Variants in LRRC4C observed in about 807,000 individuals in gnomAD.
LRRC4C encodes the protein leucine rich repeat containing 4C.
LRRC4C carries 5 observed loss-of-function variants against 33.6 expected under a neutral mutation model. The ratio of observed to expected loss-of-function variants is 0.15; its 90% confidence interval spans 0.08 to 0.31. The LOEUF (loss-of-function observed/expected upper bound fraction) is 0.31. Ranked by LOEUF, LRRC4C falls within the 10% of genes least tolerant of loss-of-function variation. The probability of loss-of-function intolerance (pLI) is 1.00; values close to 1 mark genes in which losing one functional copy is unlikely to be tolerated. For synonymous variants in LRRC4C, 329 were observed against 302.0 expected (o/e 1.09, Z -0.93); for missense variants, 560 against 796.7 (o/e 0.70, Z 3.58).
At chr11:41,359,699 A>G (rs1233940693) in intron 1 of LRRC4C, among the ~76,000 whole-genome samples, 1 of 152,196 alleles carries the variant, frequency 6.6e-6, no homozygotes, top group East Asian at 1.9e-4. Flanking sequence ...CTATTATTAT[A>G]TCTATTTCAG....
intron 1 of LRRC4C, among the ~76,000 whole-genome samples, chr11:41,104,951 C>A (rs1264741804): frequency 1.3e-5 from 2 of 151,736 alleles, no homozygotes; most frequent in African/African-American, 4.8e-5. Context: ...TTGGCAGTGA[C>A]TGCAAATGGG....
chr11:40,324,456 T>C (rs988491203), intron 3 of LRRC4C, among the ~76,000 whole-genome samples: 11 of 152,158 alleles, frequency 7.2e-5, no homozygotes, highest in African/African-American at 2.4e-4. Flanking sequence ...TCTCATGGCG[T>C]TCCTTTTGAC....
At chr11:40,210,058 G>A (rs1863468563) in intron 5 of LRRC4C, among the ~76,000 whole-genome samples, 1 of 152,040 alleles carries the variant, frequency 6.6e-6, no homozygotes, top group Non-Finnish European at 1.5e-5. Flanking sequence ...ATGTCTTCAA[G>A]AATGAAGACA....
At chr11:40,329,321 A>G (rs1284215779) in intron 3 of LRRC4C, among the ~76,000 whole-genome samples, 2 of 152,220 alleles carry the variant, frequency 1.3e-5, no homozygotes, top group African/African-American at 4.8e-5. Flanking sequence ...GCAAAAAGAC[A>G]TGTAGCTGAA....
intron 2 of LRRC4C, among the ~76,000 whole-genome samples, chr11:40,671,975 C>T (rs1455215163): frequency 6.6e-6 from 1 of 152,140 alleles, no homozygotes; most frequent in African/African-American, 2.4e-5. Context: ...AAGTTTCTTT[C>T]TTGTCTCAGT....
chr11:40,993,987 C>T (rs901340835), intron 1 of LRRC4C, among the ~76,000 whole-genome samples: 2 of 151,304 alleles, frequency 1.3e-5, no homozygotes, highest in Non-Finnish European at 1.5e-5. Context: ...CTGTGGATAA[C>T]GGGAACTGGA....
intron 2 of LRRC4C, among the ~76,000 whole-genome samples, chr11:40,866,305 C>A (rs1954367606): frequency 6.6e-6 from 1 of 151,492 alleles, no homozygotes; most frequent in Admixed American, 6.6e-5. Flanking sequence ...TTCCTTTTAA[C>A]AACCCAAAAA....
chr11:40,344,390 T>C (rs550388115), intron 3 of LRRC4C, among the ~76,000 whole-genome samples: 10 of 152,022 alleles, frequency 6.6e-5, no homozygotes, highest in Non-Finnish European at 1.5e-4. Context: ...TAAACAGAAC[T>C]AAAAACAAAA....
chr11:41,214,573 T>TACAAAAAA (rs1946959392), intron 1 of LRRC4C, among the ~76,000 whole-genome samples: 1 of 19,386 alleles, frequency 5.2e-5, no homozygotes, highest in Non-Finnish European at 1.0e-4. Context: ...CTACTAAAAA[T>TACAAAAAA]ACAAAAAAAA....
intron 3 of LRRC4C, among the ~76,000 whole-genome samples, chr11:40,419,449 C>T (rs919433163): frequency 2.6e-5 from 4 of 151,962 alleles, no homozygotes; most frequent in Non-Finnish European, 4.4e-5. Flanking sequence ...TGAATTATTA[C>T]AGAAGTCACA....
At chr11:40,486,349 C>A (rs1166200872) in intron 3 of LRRC4C, among the ~76,000 whole-genome samples, 3 of 151,892 alleles carry the variant, frequency 2.0e-5, no homozygotes, top group African/African-American at 7.2e-5. Flanking sequence ...GGGAAATTAT[C>A]TGATAAAGTT....
At chr11:41,262,805 G>T (rs1029628346) in intron 1 of LRRC4C, among the ~76,000 whole-genome samples, 3 of 152,086 alleles carry the variant, frequency 2.0e-5, no homozygotes, top group East Asian at 3.9e-4. Flanking sequence ...GGAGGTAAAA[G>T]TCTTCTGAAA....
At chr11:41,308,116 T>C (rs1011160887) in intron 1 of LRRC4C, among the ~76,000 whole-genome samples, 7 of 152,200 alleles carry the variant, frequency 4.6e-5, no homozygotes, top group Non-Finnish European at 7.3e-5. Context: ...TGATATAGAC[T>C]AGGCTTGGGA....
chr11:40,558,876 G>A (rs372303669), intron 3 of LRRC4C, among the ~76,000 whole-genome samples: 5 of 151,930 alleles, frequency 3.3e-5, no homozygotes, highest in Non-Finnish European at 7.4e-5. Flanking sequence ...ACCTCAAGTA[G>A]ACCCCAGTGT....
intron 2 of LRRC4C, among the ~76,000 whole-genome samples, chr11:40,674,966 T>G (rs957372671): frequency 3.3e-5 from 5 of 152,190 alleles, no homozygotes; most frequent in African/African-American, 1.2e-4. Context: ...TGTGTCAGAA[T>G]GAGAGCCTGT....
chr11:41,167,948 T>G (rs1429274874), intron 1 of LRRC4C, among the ~76,000 whole-genome samples: 1 of 152,212 alleles, frequency 6.6e-6, no homozygotes, highest in Non-Finnish European at 1.5e-5. Flanking sequence ...GACTACCTGA[T>G]AAAAATGCAA....
At chr11:41,316,290 C>G (rs199805833) in intron 1 of LRRC4C, among the ~76,000 whole-genome samples, 1 of 93,254 alleles carries the variant, frequency 1.1e-5, no homozygotes, top group African/African-American at 3.9e-5. Context: ...CAAAAAAAAA[C>G]AAACATGAGC....
Position 40,423,438 on chromosome 11 carries a change from G to A in LRRC4C, c.-269-103717C>T, listed in dbSNP as rs1196805426. ...CGGCTCACTGCAAGCTCCGCCTCCCGGGTTCACGCCATTCTCCTGCCTCAG... is the reference window on the plus strand; with the variant it reads ...CGGCTCACTGCAAGCTCCGCCTCCCAGGTTCACGCCATTCTCCTGCCTCAG... On this transcript the variant is annotated intron_variant, in intron 3 of 6. Transcript: ENST00000528697. 2.2e-5 allele frequency among the ~76,000 whole-genome samples: 3 copies of A among 138,848 alleles called. No homozygotes were observed. The South Asian group carries it at 7.2e-4, about 33-fold the overall frequency. The allele number at this position is 138,848 out of a possible 152,430, so 91.1% of individuals were successfully genotyped here.
At chr11:40,574,397 G>C (rs1294838039) in intron 3 of LRRC4C, among the ~76,000 whole-genome samples, 1 of 152,148 alleles carries the variant, frequency 6.6e-6, no homozygotes, top group Non-Finnish European at 1.5e-5. Flanking sequence ...AAATGTATTT[G>C]ATTGTTGTGT....
Sources: allele counts gnomAD v4.1 joint callset (sites outside exome capture counted in the v4.1 genomes callset), GRCh38; gene constraint gnomAD v4.1.1; transcripts MANE v1.5; gene names NCBI Gene and HGNC (gene_info 2026-07-23, HGNC 2026-07-21).